PLCXD3: variants seen among roughly 807,000 people sequenced by gnomAD.
PLCXD3 encodes the protein PI-PLC X domain-containing protein 3.
Under a neutral mutation model 25.5 loss-of-function variants are expected in PLCXD3, and 19 were observed. The ratio of observed to expected loss-of-function variants is 0.75; its 90% CI spans 0.52 to 1.09. The LOEUF (loss-of-function observed/expected upper bound fraction) is 1.09, where lower values mean the gene tolerates loss of function less well. Ranked by LOEUF, PLCXD3 falls within the 50% of genes least tolerant of loss-of-function variation. The pLI is 0.00. For missense variants in PLCXD3, 411 were observed against 388.1 expected (o/e 1.06, Z -0.50); for synonymous variants, 174 against 137.6 (o/e 1.26, Z -1.85).
chr5:41,412,397 C>A (rs1213595332), intron 1 of PLCXD3, among the ~76,000 whole-genome samples: 2 of 152,114 alleles, frequency 1.3e-5, no homozygotes, highest in Non-Finnish European at 2.9e-5. Context: ...CTTCCTATAT[C>A]TTTTATAATA....
chr5:41,420,018 A>G (rs1376207509), intron 1 of PLCXD3, among the ~76,000 whole-genome samples: 1 of 152,148 alleles, frequency 6.6e-6, no homozygotes, highest in East Asian at 1.9e-4. Context: ...TTACTCATCT[A>G]TTTTTATTTT....
chr5:41,493,818 G>A (rs546002079), intron 1 of PLCXD3, among the ~76,000 whole-genome samples: 424 of 152,290 alleles, frequency 2.8e-3, no homozygotes, highest in African/African-American at 8.8e-3. Flanking sequence ...GGAGTGACCC[G>A]ATTTTCCAGG....
Position 41,507,118 on chromosome 5 carries a change from AG to A in PLCXD3, c.103+3305del, listed in dbSNP as rs919995853. ...ATGCATCTCTTTACAATAGTTCTGG[AG>A]CCACCATGATTACAGAGTTAGAACT... On this transcript the variant is annotated intron_variant, in intron 1 of 2. Transcript: ENST00000377801. Among the ~76,000 whole-genome samples the A allele has an allele frequency of 2.3e-4, 35 of 152,282 alleles. 1 individual carries two copies. Among genetic ancestry groups the A allele is most frequent in the African/African-American group, 8.4e-4 (35 of 41,562 alleles).
In PLCXD3 at chr5:41,308,577, G is replaced by A. The variant is rs1580288220; in HGVS notation, c.*5040C>T. ...CTAGACTAATTCTACACGTGGGGCA[G>A]ACCAGAAAAGTGTGTGGGTTGCATG... is the stretch of plus-strand genomic sequence containing the variant. On this transcript the variant is annotated 3_prime_UTR_variant, in exon 3 of 3. Transcript: ENST00000377801. 1 of 152,118 alleles carries A rather than the reference G, an allele frequency of 6.6e-6. No homozygotes were observed. Among genetic ancestry groups the A allele is most frequent in the East Asian group, 1.9e-4 (1 of 5,186 alleles). The allele number at this position is 152,118 out of a possible 1,614,324, so 9.4% of individuals were successfully genotyped here.
At chr5:41,359,756 G>A (rs193182622) in intron 2 of PLCXD3, among the ~76,000 whole-genome samples, 11 of 151,510 alleles carry the variant, frequency 7.3e-5, no homozygotes, top group South Asian at 4.2e-4. Flanking sequence ...CTTTTCTTAC[G>A]CTGGGTTCTT....
At chr5:41,443,520 A>G (rs562026876) in intron 1 of PLCXD3, among the ~76,000 whole-genome samples, 2 of 152,340 alleles carry the variant, frequency 1.3e-5, no homozygotes, top group East Asian at 1.9e-4. Flanking sequence ...TTGTCTATAT[A>G]CATATAACAT....
intron 2 of PLCXD3, among the ~76,000 whole-genome samples, chr5:41,366,140 T>A (rs1053260203): frequency 6.6e-6 from 1 of 151,956 alleles, no homozygotes; most frequent in Non-Finnish European, 1.5e-5. Flanking sequence ...CCCCACCCTG[T>A]GTCCAAGTAT....
At chr5:41,509,693 C>T (rs765589589) in intron 1 of PLCXD3, among the ~76,000 whole-genome samples, 9 of 152,240 alleles carry the variant, frequency 5.9e-5, no homozygotes, top group Non-Finnish European at 1.0e-4. Context: ...GAGCAGTAAA[C>T]ATACGGTCCG....
chr5:41,339,907 AG>A (rs1744089530), intron 2 of PLCXD3, among the ~76,000 whole-genome samples: 1 of 152,170 alleles, frequency 6.6e-6, no homozygotes, highest in African/African-American at 2.4e-5. Context: ...GGTCTTTAAA[AG>A]TTACTTACAG....
intron 1 of PLCXD3, among the ~76,000 whole-genome samples, chr5:41,394,723 G>A (rs1300950967): frequency 6.6e-6 from 1 of 151,926 alleles, no homozygotes; most frequent in African/African-American, 2.4e-5. Flanking sequence ...GACAAAGAAG[G>A]TCACTATATA....
rs185721416 is a variant in PLCXD3, at chr5:41,482,332, T to G, written c.103+28092A>C. Among the ~76,000 whole-genome samples the G allele has an allele frequency of 3.4e-3, 523 of 152,266 alleles. 1 individual carries two copies. The highest frequency in any genetic ancestry group is 0.012 in the African/African-American group (478 of 41,540). ...TTGCATTATGGTGCTACCGACCCTA[T>G]CCATGAAGAGAAATTGTCTTTGTAG... On this transcript the variant is annotated intron_variant, in intron 1 of 2. Coordinates refer to ENST00000377801, the MANE Select transcript of PLCXD3 (RefSeq NM_001005473.3).
chr5:41,312,730 TTCCTTCTG>T lies in PLCXD3; in HGVS notation c.*879_*886del, dbSNP rs1389363083. On this transcript the variant is annotated 3_prime_UTR_variant, in exon 3 of 3. Transcript: ENST00000377801. ...CTTCCTTCCTTCCTTCCTTCCTTCC[TTCCTTCTG>T]TCTTTTTCTTTCATCAAGAGCATCA... is the stretch of plus-strand genomic sequence containing the variant. 1 of 143,732 alleles carries T rather than the reference TTCCTTCTG, an allele frequency of 7.0e-6. No individual in the cohort carries two copies. Among genetic ancestry groups the T allele is most frequent in the East Asian group, 2.2e-4 (1 of 4,498 alleles). The allele number at this position is 143,732 out of a possible 1,614,324, so 8.9% of individuals were successfully genotyped here.
At chr5:41,327,727 T>C (rs1406239118) in intron 2 of PLCXD3, among the ~76,000 whole-genome samples, 3 of 152,222 alleles carry the variant, frequency 2.0e-5, no homozygotes, top group Non-Finnish European at 4.4e-5. Context: ...TACTTTAGTA[T>C]AGAAGGATGT....
intron 1 of PLCXD3, among the ~76,000 whole-genome samples, chr5:41,391,388 A>T (rs1377329024): frequency 1.3e-5 from 2 of 152,128 alleles, no homozygotes; most frequent in Admixed American, 1.3e-4. Flanking sequence ...GCAGGATAGG[A>T]CACCAGTCAG....
At position 41,309,065 on chromosome 5, in the gene PLCXD3, T is replaced by C. The variant is rs1743064351; in HGVS notation, c.*4552A>G. ...GTTAATAAATTAAGGCTGGTCACAA[T>C]GTGCCCTTTTTCTTTAGGATAAGTT... On this transcript the variant is annotated 3_prime_UTR_variant, in exon 3 of 3. Coordinates refer to ENST00000377801, the MANE Select transcript of PLCXD3 (RefSeq NM_001005473.3). 1 of 152,598 alleles carries C rather than the reference T, an allele frequency of 6.6e-6. No individual in the cohort carries two copies. Among genetic ancestry groups the C allele is most frequent in the Admixed American group, 6.6e-5 (1 of 15,252 alleles). The allele number at this position is 152,598 out of a possible 1,614,324, so 9.5% of individuals were successfully genotyped here.
At chr5:41,410,192 T>C (rs868287100) in intron 1 of PLCXD3, among the ~76,000 whole-genome samples, 1 of 148,258 alleles carries the variant, frequency 6.7e-6, no homozygotes, top group African/African-American at 2.5e-5. Context: ...CAGGCTGGAG[T>C]ACAGTGGCGT....
At chr5:41,375,956 A>G (rs1231391756) in intron 2 of PLCXD3, among the ~76,000 whole-genome samples, 1 of 152,130 alleles carries the variant, frequency 6.6e-6, no homozygotes, top group Non-Finnish European at 1.5e-5. Flanking sequence ...CCTCTAATGG[A>G]TTTAATAATA....
chr5:41,493,334 T>C lies in PLCXD3; in HGVS notation c.103+17090A>G, dbSNP rs187506572. ...TACCTGGCCGTGTGAGGTGTCAGTC[T>C]GCCCCTACTGGGGGGTGCCTCCCAG... On this transcript the variant is annotated intron_variant, in intron 1 of 2. Transcript: ENST00000377801. 9.7e-4 allele frequency among the ~76,000 whole-genome samples: 148 copies of C among 152,326 alleles called. 5 individuals are homozygous for C. The highest frequency in any genetic ancestry group is 3.5e-3 in the African/African-American group (144 of 41,588).
chr5:41,421,850 T>C (rs1746836556), intron 1 of PLCXD3, among the ~76,000 whole-genome samples: 1 of 152,198 alleles, frequency 6.6e-6, no homozygotes, highest in African/African-American at 2.4e-5. Flanking sequence ...AAAAAACTTT[T>C]TTTAGGTGAC....
Sources: allele counts gnomAD v4.1 joint callset (sites outside exome capture counted in the v4.1 genomes callset), GRCh38; gene constraint gnomAD v4.1.1; transcripts MANE v1.5; gene names NCBI Gene and HGNC (gene_info 2026-07-23, HGNC 2026-07-21).